Variants in CCSER1 observed in about 807,000 individuals in gnomAD.
The protein encoded by CCSER1 is coiled-coil serine rich protein 1, also known as serine-rich coiled-coil domain-containing protein 1.
Under a neutral mutation model 82.0 loss-of-function variants are expected in CCSER1, and 41 were observed. The observed-to-expected ratio is 0.50, with a 90% CI of 0.39 to 0.65. The LOEUF (loss-of-function observed/expected upper bound fraction) is 0.65. CCSER1 is among the 30% of genes least tolerant of loss of function. The pLI is 0.00. For synonymous variants in CCSER1, 414 were observed against 383.9 expected (o/e 1.08, Z -0.92); for missense variants, 1,119 against 1,064.2 (o/e 1.05, Z -0.72).
intron 1 of CCSER1, among the ~76,000 whole-genome samples, chr4:90,261,095 T>C (rs10022446): frequency 6.6e-6 from 1 of 152,060 alleles, no homozygotes; most frequent in Non-Finnish European, 1.5e-5. Flanking sequence ...TTCAATGTTA[T>C]TATTGAGATA....
chr4:91,071,038 ATATTACT>A, intron 9 of CCSER1, among the ~76,000 whole-genome samples: 1 of 152,304 alleles, frequency 6.6e-6, no homozygotes, highest in Non-Finnish European at 1.5e-5. Flanking sequence ...AACACTACTG[ATATTACT>A]TATGGATCTA....
chr4:91,365,352 G>T (rs921148903), intron 10 of CCSER1, among the ~76,000 whole-genome samples: 3 of 152,108 alleles, frequency 2.0e-5, no homozygotes, highest in African/African-American at 7.2e-5. Flanking sequence ...ATCATGAAAT[G>T]CCCTGTACGT....
At chr4:90,143,684 C>CTT (rs70963057) in intron 1 of CCSER1, among the ~76,000 whole-genome samples, 5 of 138,610 alleles carry the variant, frequency 3.6e-5, no homozygotes, top group African/African-American at 1.0e-4. Flanking sequence ...TCCATTCCTA[C>CTT]TTTTTTTTTT....
At chr4:90,158,331 G>A (rs1175703159) in intron 1 of CCSER1, among the ~76,000 whole-genome samples, 1 of 152,162 alleles carries the variant, frequency 6.6e-6, no homozygotes, top group Non-Finnish European at 1.5e-5. Flanking sequence ...CAGGGGTCAG[G>A]GACCCACTTG....
intron 8 of CCSER1, chr4:90,839,053 G>C (rs1762221651): frequency 1.2e-6 from 2 of 1,610,306 alleles, no homozygotes; most frequent in Admixed American, 1.7e-5. Flanking sequence ...CGGAGGAAAA[G>C]CGGAGCGAGG....
chr4:91,131,610 A>G (rs936584522), intron 10 of CCSER1, among the ~76,000 whole-genome samples: 1 of 152,114 alleles, frequency 6.6e-6, no homozygotes, highest in South Asian at 2.1e-4. Context: ...ATGTGTATAC[A>G]TATTTATATA....
chr4:91,267,716 T>C (rs1741711887), intron 10 of CCSER1, among the ~76,000 whole-genome samples: 1 of 152,164 alleles, frequency 6.6e-6, no homozygotes, highest in African/African-American at 2.4e-5. Flanking sequence ...AGAAAAGGGC[T>C]TGGGGCAATA....
rs1194820804 is a variant in CCSER1, at chr4:90,923,361, A to G, written c.2095-9A>G. ...AACAATGTGTTGTTGCTGTTTTTTCATTTTGCAGGGAAAAGTCCGGCATTT... is the reference window on the plus strand; with the variant it reads ...AACAATGTGTTGTTGCTGTTTTTTCGTTTTGCAGGGAAAAGTCCGGCATTT... On this transcript the variant is annotated splice_polypyrimidine_tract_variant and intron_variant, in intron 8 of 10. Transcript: ENST00000509176. 6.5e-7 allele frequency: 1 copy of G among 1,549,540 alleles called. No individual in the cohort carries two copies. Among genetic ancestry groups the G allele is most frequent in the Non-Finnish European group, 8.7e-7 (1 of 1,145,248 alleles).
intron 10 of CCSER1, among the ~76,000 whole-genome samples, chr4:91,328,567 A>G (rs1017506431): frequency 2.0e-5 from 3 of 152,086 alleles, no homozygotes; most frequent in Admixed American, 2.0e-4. Flanking sequence ...CATATCAACC[A>G]CAGAAATATT....
chr4:90,887,821 G>A (rs1722369098), intron 8 of CCSER1, among the ~76,000 whole-genome samples: 1 of 152,162 alleles, frequency 6.6e-6, no homozygotes, highest in South Asian at 2.1e-4. Flanking sequence ...GGCAGAGGTT[G>A]CAGTGAGCTG....
chr4:90,568,780 T>C (rs1281067849), intron 5 of CCSER1, among the ~76,000 whole-genome samples: 1 of 151,532 alleles, frequency 6.6e-6, no homozygotes, highest in Admixed American at 6.6e-5. Flanking sequence ...TTTTTTCCTT[T>C]TTGAGACAGT....
At chr4:90,656,069 T>A (rs1185004074) in intron 6 of CCSER1, among the ~76,000 whole-genome samples, 1 of 151,960 alleles carries the variant, frequency 6.6e-6, no homozygotes, top group African/African-American at 2.4e-5. Context: ...CTTCACTTCA[T>A]CTTTCAGAGA....
intron 10 of CCSER1, among the ~76,000 whole-genome samples, chr4:91,271,878 C>A (rs1742062339): frequency 6.6e-6 from 1 of 152,154 alleles, no homozygotes; most frequent in Non-Finnish European, 1.5e-5. Flanking sequence ...CCTCATCCTC[C>A]CGAGTAGCCA....
intron 9 of CCSER1, among the ~76,000 whole-genome samples, chr4:91,056,524 A>G (rs937907583): frequency 3.9e-5 from 6 of 152,142 alleles, no homozygotes; most frequent in African/African-American, 1.4e-4. Flanking sequence ...AACAGCATCA[A>G]TCTATTCATG....
intron 10 of CCSER1, among the ~76,000 whole-genome samples, chr4:91,306,172 TTTC>T (rs918585515): frequency 1.3e-5 from 2 of 151,970 alleles, no homozygotes; most frequent in Non-Finnish European, 2.9e-5. Context: ...TACTTTTTCT[TTTC>T]TTTGTTTCAT....
In CCSER1 at chr4:91,235,650, A is replaced by AT. The variant is rs1313850908; in HGVS notation, c.2217+149665dup. On this transcript the variant is annotated intron_variant, in intron 10 of 10. Transcript: ENST00000509176. ...TACTTATCCAAAATAGGGCAGCCTC[A>AT]TTTTTTTTTAAATAGGAGACAGGCC... Among the ~76,000 whole-genome samples, 4 of 151,210 alleles carry AT rather than the reference A, an allele frequency of 2.6e-5. No homozygotes were observed. The East Asian group carries it at 5.9e-4, about 22-fold the overall frequency.
At chr4:90,974,356 C>T (rs1735404922) in intron 9 of CCSER1, among the ~76,000 whole-genome samples, 2 of 144,596 alleles carry the variant, frequency 1.4e-5, no homozygotes, top group Admixed American at 1.4e-4. Flanking sequence ...CAAAACATTA[C>T]ATTGTATACA....
chr4:90,589,563 TATG>T (rs1462129186), intron 5 of CCSER1, among the ~76,000 whole-genome samples: 1 of 152,144 alleles, frequency 6.6e-6, no homozygotes, highest in Non-Finnish European at 1.5e-5. Context: ...ATCATTATAT[TATG>T]ATGAAGACTT....
At chr4:91,054,809 A>G (rs973734160) in intron 9 of CCSER1, among the ~76,000 whole-genome samples, 6 of 152,126 alleles carry the variant, frequency 3.9e-5, no homozygotes, top group African/African-American at 1.4e-4. Context: ...GAATGCTCCA[A>G]TTAGCATTCC....
Sources: gnomAD v4.1 joint callset for allele counts (sites outside exome capture counted in the v4.1 genomes callset) on GRCh38, gnomAD v4.1.1 for gene constraint, MANE v1.5 for transcripts, NCBI Gene and HGNC (gene_info 2026-07-23, HGNC 2026-07-21) for gene names.